Variants in FMN1 observed in about 807,000 individuals in gnomAD.
The protein encoded by FMN1 is formin-1.
In FMN1, 110 loss-of-function variants were observed where a neutral mutation model predicts 132.4. The ratio of observed to expected loss-of-function variants is 0.83; its 90% confidence interval spans 0.71 to 0.97. FMN1 has a LOEUF of 0.97. FMN1 is among the 50% of genes least tolerant of loss of function. The pLI is 0.00. For missense variants in FMN1, 1,792 were observed against 1,705.3 expected, an observed-to-expected ratio of 1.05 and a Z score of -0.90; for synonymous variants, 722 against 651.7, an observed-to-expected ratio of 1.11 and a Z score of -1.64.
intron 5 of FMN1, among the ~76,000 whole-genome samples, chr15:33,085,894 T>G (rs1210453644): frequency 6.6e-6 from 1 of 152,194 alleles, no homozygotes; most frequent in East Asian, 1.9e-4. Context: ...ATTCATCACT[T>G]AAAACACATC....
rs11853746 is a variant in FMN1, at chr15:32,769,199, C to A, written c.*5111G>T. On this transcript the variant is annotated 3_prime_UTR_variant, in exon 21 of 21. Coordinates refer to ENST00000616417, the MANE Select transcript of FMN1 (RefSeq NM_001277313.2). Reference sequence around the variant, plus strand: ...TCATGTTTCCAAGTTGTTAACTACACGTTTCCCAAATCCTAACTTTATATC... The same window carrying A: ...TCATGTTTCCAAGTTGTTAACTACAAGTTTCCCAAATCCTAACTTTATATC... 1 of 152,144 alleles carries A rather than the reference C, an allele frequency of 6.6e-6. No homozygotes were observed. Among genetic ancestry groups the A allele is most frequent in the Non-Finnish European group, 1.5e-5 (1 of 68,026 alleles). 9.4% of individuals were successfully genotyped at this position (152,144 alleles called of 1,614,324 possible).
intron 16 of FMN1, among the ~76,000 whole-genome samples, chr15:32,857,692 A>G (rs4780048): frequency 0.15 from 22,295 of 152,178 alleles, 1,994 homozygotes; most frequent in East Asian, 0.32. Flanking sequence ...AACACAAGGG[A>G]AATAATTTTA....
Position 32,969,068 on chromosome 15 carries a change from G to T in FMN1, c.2633C>A (p.Pro878His), listed in dbSNP as rs1244878997. The T allele has an allele frequency of 5.1e-6, 8 of 1,580,072 alleles. No individual in the cohort carries two copies. Among genetic ancestry groups the T allele is most frequent in the Non-Finnish European group, 3.4e-6 (4 of 1,159,894 alleles). Residue 878 changes from proline (P) to histidine (H), a missense_variant, in exon 8 of 21, where the codon CCT (proline) becomes CAT (histidine). Physicochemically the swap from Pro to His is moderately conservative, Grantham distance 77 (BLOSUM62 -2). This residue lies in a region of FMN1 where 1,150 missense variants were observed against 1,043.1 expected (regional missense o/e 1.10). Coordinates refer to ENST00000616417, the MANE Select transcript of FMN1 (RefSeq NM_001277313.2). ...LPPPPASIPPPPPLPSGLGSL... is the reference protein window; with the variant it reads ...LPPPPASIPPHPPLPSGLGSL... ...TCCAAGTCCTGAGGGGAGGGGCGGA[G>T]GGGGAGGGATGGATGCGGGAGGCGG...
chr15:32,848,750 A>C (rs2058922428), intron 17 of FMN1, among the ~76,000 whole-genome samples: 1 of 152,198 alleles, frequency 6.6e-6, no homozygotes, highest in African/African-American at 2.4e-5. Context: ...CTATTTTAAG[A>C]GGTACTCACT....
At position 33,154,180 on chromosome 15, in the gene FMN1, G is replaced by A. The variant is rs954532671; in HGVS notation, c.735C>T (p.Asp245=). 2.6e-6 allele frequency: 4 copies of A among 1,536,326 alleles called. No homozygotes were observed. The highest frequency in any genetic ancestry group is 2.7e-5 in the African/African-American group (2 of 73,040). Residue 245 remains aspartate (D), a synonymous_variant, in exon 4 of 21, where the codon GAC becomes GAT. Coordinates refer to ENST00000616417, the MANE Select transcript of FMN1 (RefSeq NM_001277313.2). ...SCPPDIPKTP[D]TDLGFGSFET... Reference sequence around the variant, plus strand: ...CAAAGCTCCCAAAGCCAAGGTCTGTGTCTGGCGTCTTGGGAATATCTGGGG... The same window carrying A: ...CAAAGCTCCCAAAGCCAAGGTCTGTATCTGGCGTCTTGGGAATATCTGGGG...
chr15:33,052,827 T>G (rs1012244971), intron 6 of FMN1, among the ~76,000 whole-genome samples: 1 of 152,198 alleles, frequency 6.6e-6, no homozygotes, highest in Non-Finnish European at 1.5e-5. Context: ...ACCTACCCTT[T>G]TCTAATTGGT....
chr15:32,856,079 TC>T (rs962701674), intron 17 of FMN1, among the ~76,000 whole-genome samples: 5 of 152,214 alleles, frequency 3.3e-5, no homozygotes, highest in African/African-American at 1.2e-4. Flanking sequence ...ATGGAGTTCC[TC>T]TGACTCATAG....
At chr15:33,006,005 T>C (rs1200643409) in intron 7 of FMN1, among the ~76,000 whole-genome samples, 2 of 152,152 alleles carry the variant, frequency 1.3e-5, no homozygotes, top group Non-Finnish European at 2.9e-5. Context: ...GCTGGATGGG[T>C]AGGGCTTGAA....
intron 4 of FMN1, among the ~76,000 whole-genome samples, chr15:33,133,774 G>T (rs1227410418): frequency 6.6e-6 from 1 of 152,086 alleles, no homozygotes; most frequent in African/African-American, 2.4e-5. Flanking sequence ...CAAACTATTT[G>T]CTCAGAGTTC....
intron 4 of FMN1, among the ~76,000 whole-genome samples, chr15:33,097,337 G>A (rs2039126493): frequency 6.6e-6 from 1 of 150,794 alleles, no homozygotes; most frequent in Non-Finnish European, 1.5e-5. Flanking sequence ...AGAGAGATGG[G>A]CTAAAAGGAG....
At chr15:32,991,546 T>C (rs549167619) in intron 7 of FMN1, among the ~76,000 whole-genome samples, 1 of 152,300 alleles carries the variant, frequency 6.6e-6, no homozygotes, top group Non-Finnish European at 1.5e-5. Flanking sequence ...TGCTGCAGCC[T>C]CGTGTTCTTT....
At chr15:32,979,466 T>G (rs2032469278) in intron 7 of FMN1, among the ~76,000 whole-genome samples, 1 of 140,104 alleles carries the variant, frequency 7.1e-6, no homozygotes. Context: ...TGAGGCAAGA[T>G]AACAGCGTGA....
intron 12 of FMN1, among the ~76,000 whole-genome samples, chr15:32,904,410 G>A (rs183465225): frequency 6.6e-6 from 1 of 152,246 alleles, no homozygotes; most frequent in African/African-American, 2.4e-5. Flanking sequence ...GTTCTAAACA[G>A]GAAGGTGACA....
At chr15:33,097,615 C>T (rs1220849033) in intron 4 of FMN1, among the ~76,000 whole-genome samples, 1 of 152,084 alleles carries the variant, frequency 6.6e-6, no homozygotes, top group Non-Finnish European at 1.5e-5. Context: ...GTCGAAACCA[C>T]CTTAGGGAAA....
At chr15:32,970,773 C>A (rs1486998412) in intron 7 of FMN1, 1 of 142,698 alleles carries the variant, frequency 7.0e-6, no homozygotes, top group African/African-American at 2.5e-5. Context: ...ATGAAGAGAT[C>A]TACCATTTGT....
chr15:32,855,329 T>G (rs1401058429), intron 17 of FMN1, among the ~76,000 whole-genome samples: 12 of 152,106 alleles, frequency 7.9e-5, no homozygotes, highest in Non-Finnish European at 1.5e-4. Flanking sequence ...TTTAGGACTT[T>G]CTTAGAACAG....
chr15:33,069,993 CTTTTTTTTTTTTTTT>C (rs1171369156), intron 5 of FMN1, among the ~76,000 whole-genome samples: 7 of 74,298 alleles, frequency 9.4e-5, no homozygotes, highest in Non-Finnish European at 1.5e-4. Context: ...CAGTCTTTCT[CTTTTTTTTTTTTTTT>C]TTTTTTTTTT....
Position 32,798,936 on chromosome 15 carries a change from C to T in FMN1, c.3998G>A (p.Arg1333Gln), listed in dbSNP as rs374934202. 1.1e-4 allele frequency: 181 copies of T among 1,613,014 alleles called. No individual in the cohort carries two copies. The highest frequency in any genetic ancestry group is 3.3e-4 in the Middle Eastern group (2 of 6,084). Residue 1333 changes from arginine to glutamine, a missense_variant, in exon 19 of 21, where the codon CGA becomes CAA. This residue lies in a region of FMN1 where 1,150 missense variants were observed against 1,043.1 expected (regional missense o/e 1.10). Transcript: ENST00000616417. ...NAQKSFETTV[R>Q]YFGMKPKSGE... ...AGACTTTGGCTTCATCCCAAAATAT[C>T]GTACTGTTGTTTCAAAACTGCAACA...
rs200578286 is a variant in FMN1, at chr15:33,067,486, A to G, written c.2044-2412T>C. The G allele has an allele frequency of 3.8e-4, 615 of 1,613,956 alleles. No homozygotes were observed. The highest frequency in any genetic ancestry group is 4.5e-4 in the Non-Finnish European group (534 of 1,179,872). On this transcript the variant is annotated intron_variant, in intron 5 of 20. Transcript: ENST00000616417. ...CCAGGGTCCCACGAACACAAATGACATCGTCTTTTGTCCCTTTCAAAGTAG... is the reference window on the plus strand; with the variant it reads ...CCAGGGTCCCACGAACACAAATGACGTCGTCTTTTGTCCCTTTCAAAGTAG...
Sources: gnomAD v4.1 joint callset for allele counts (sites outside exome capture counted in the v4.1 genomes callset) on GRCh38, gnomAD v4.1.1 for gene constraint, gnomAD v4.1.1 regional missense constraint, MANE v1.5 for transcripts, NCBI Gene and HGNC (gene_info 2026-07-23, HGNC 2026-07-21) for gene names.